ARCN1: variants seen among roughly 807,000 people sequenced by gnomAD.
ARCN1 encodes the protein archain 1 coat protein complex I subunit delta, also known as coatomer subunit delta.
Under a neutral mutation model 60.4 loss-of-function variants are expected in ARCN1, and 5 were observed. The ratio of observed to expected loss-of-function variants is 0.08; its 90% CI spans 0.04 to 0.17. ARCN1 has a LOEUF of 0.17. ARCN1 is among the 10% of genes least tolerant of loss of function. The pLI is 1.00. For missense variants in ARCN1, 464 were observed against 626.5 expected (o/e 0.74, Z 2.77); for synonymous variants, 224 against 220.0 (o/e 1.02, Z -0.16).
At chr11:118,581,943 C>G (rs1938663220) in intron 2 of ARCN1, among the ~76,000 whole-genome samples, 1 of 150,752 alleles carries the variant, frequency 6.6e-6, no homozygotes, top group African/African-American at 2.4e-5. Flanking sequence ...GACAGACACA[C>G]ACACACACAC....
At chr11:118,585,163 A>G (rs1234621342) in intron 5 of ARCN1, among the ~76,000 whole-genome samples, 1 of 151,258 alleles carries the variant, frequency 6.6e-6, no homozygotes, top group Non-Finnish European at 1.5e-5. Flanking sequence ...GGGTCTTACT[A>G]TGTTGTCTAG....
In ARCN1 at chr11:118,572,466, C is replaced by T. The variant is rs1016034284; in HGVS notation, c.-82C>T. On this transcript the variant is annotated 5_prime_UTR_variant, in exon 1 of 10. Transcript: ENST00000264028. Reference sequence around the variant, plus strand: ...TGTCAAGGGGGCAGCAGGTCCAGAGCTGCTGGTGCTCCCGTTCCCCAGACC... The same window carrying T: ...TGTCAAGGGGGCAGCAGGTCCAGAGTTGCTGGTGCTCCCGTTCCCCAGACC... The T allele has an allele frequency of 2.0e-5, 30 of 1,507,946 alleles. No homozygotes were observed. Among genetic ancestry groups the T allele is most frequent in the Non-Finnish European group, 2.5e-5 (28 of 1,100,254 alleles). The allele number at this position is 1,507,946 out of a possible 1,614,324, so 93.4% of individuals were successfully genotyped here. A position where few individuals can be genotyped will look rare whatever the true frequency, so the allele number is the denominator to read the frequency against.
intron 1 of ARCN1, among the ~76,000 whole-genome samples, chr11:118,576,771 G>C (rs1938524454): frequency 6.6e-6 from 1 of 152,162 alleles, no homozygotes; most frequent in Admixed American, 6.5e-5. Flanking sequence ...GCTATACTTA[G>C]TATGGGGAAC....
At chr11:118,589,142 G>T (rs781784845) in intron 5 of ARCN1, among the ~76,000 whole-genome samples, 5 of 152,160 alleles carry the variant, frequency 3.3e-5, no homozygotes, top group Non-Finnish European at 7.3e-5. Flanking sequence ...GAAGTATTTA[G>T]GGGTAAAGTG....
At chr11:118,594,689 A>G (rs1424274921) in intron 8 of ARCN1, among the ~76,000 whole-genome samples, 1 of 152,162 alleles carries the variant, frequency 6.6e-6, no homozygotes, top group African/African-American at 2.4e-5. Flanking sequence ...AACTGGGGTT[A>G]CAGGCATGTG....
intron 9 of ARCN1, 80 bp downstream of exon 9, chr11:118,597,991 A>G (rs1463323282): frequency 7.1e-7 from 1 of 1,418,076 alleles, no homozygotes; most frequent in Non-Finnish European, 9.7e-7. Context: ...GACAGGTAGC[A>G]TGGCTTTTTG....
chr11:118,581,537 C>G, intron 2 of ARCN1, 28 bp downstream of exon 2: 1 of 1,569,284 alleles, frequency 6.4e-7, no homozygotes, highest in Non-Finnish European at 8.6e-7. Flanking sequence ...ATACTGGGTT[C>G]CACTTTTTGT....
intron 5 of ARCN1, among the ~76,000 whole-genome samples, chr11:118,586,402 T>G (rs1938780329): frequency 6.6e-6 from 1 of 152,190 alleles, no homozygotes; most frequent in Non-Finnish European, 1.5e-5. Context: ...CAGCCAAGTA[T>G]TTACTCTTTA....
chr11:118,580,991 C>A (rs1291119749), intron 1 of ARCN1, among the ~76,000 whole-genome samples: 1 of 152,014 alleles, frequency 6.6e-6, no homozygotes, highest in East Asian at 1.9e-4. Flanking sequence ...TAAAAATTAG[C>A]GAGGCTTGGT....
intron 5 of ARCN1, among the ~76,000 whole-genome samples, chr11:118,585,068 C>T (rs1288815340): frequency 2.0e-5 from 3 of 152,020 alleles, no homozygotes; most frequent in Non-Finnish European, 4.4e-5. Context: ...CCTTGTGATC[C>T]GCCTGACTCA....
chr11:118,594,675 G>A (rs782528004), intron 8 of ARCN1, among the ~76,000 whole-genome samples: 6 of 151,544 alleles, frequency 4.0e-5, no homozygotes, highest in Non-Finnish European at 5.9e-5. Context: ...TCAGCCTCCC[G>A]AGTAACTGGG....
Position 118,601,382 on chromosome 11 carries a change from A to T in ARCN1, c.*668A>T. 1 of 543,950 alleles carries T rather than the reference A, an allele frequency of 1.8e-6. No homozygotes were observed. The highest frequency in any genetic ancestry group is 1.7e-5 in the South Asian group (1 of 60,370). The allele number at this position is 543,950 out of a possible 1,614,324, so 33.7% of individuals were successfully genotyped here. ...CAGCTGCTCCTTTATTTTAATCCCT[A>T]AATATAATCCCTAAATATAGTTATA... is the stretch of plus-strand genomic sequence containing the variant. On this transcript the variant is annotated 3_prime_UTR_variant, in exon 10 of 10. Coordinates refer to ENST00000264028, the MANE Select transcript of ARCN1 (RefSeq NM_001655.5).
intron 6 of ARCN1, among the ~76,000 whole-genome samples, chr11:118,592,165 GC>G (rs1264193214): frequency 2.0e-5 from 3 of 152,076 alleles, no homozygotes; most frequent in African/African-American, 7.2e-5. Flanking sequence ...GACCTTCAAT[GC>G]CCCTCTCACC....
At chr11:118,600,351 T>C (rs946052124) in intron 9 of ARCN1, among the ~76,000 whole-genome samples, 2 of 152,218 alleles carry the variant, frequency 1.3e-5, no homozygotes, top group Non-Finnish European at 2.9e-5. Flanking sequence ...AGGGCTGGGC[T>C]GTGGCCACTC....
chr11:118,585,568 T>C (rs1348032345), intron 5 of ARCN1, among the ~76,000 whole-genome samples: 10 of 152,020 alleles, frequency 6.6e-5, no homozygotes, highest in African/African-American at 2.4e-4. Flanking sequence ...GAGATGGGGT[T>C]TCACTCTGTC....
intron 5 of ARCN1, among the ~76,000 whole-genome samples, chr11:118,585,790 C>T (rs782712721): frequency 2.6e-5 from 4 of 152,180 alleles, no homozygotes; most frequent in Non-Finnish European, 5.9e-5. Flanking sequence ...CTGCCTGCCT[C>T]GGCCTCACAA....
At chr11:118,595,933 G>A (rs1939015939) in intron 8 of ARCN1, among the ~76,000 whole-genome samples, 1 of 152,194 alleles carries the variant, frequency 6.6e-6, no homozygotes, top group South Asian at 2.1e-4. Context: ...TGGGCCTGGT[G>A]GCGGGCGCCT....
At chr11:118,592,498 T>A (rs1284009713) in intron 6 of ARCN1, among the ~76,000 whole-genome samples, 1 of 151,728 alleles carries the variant, frequency 6.6e-6, no homozygotes, top group Non-Finnish European at 1.5e-5. Flanking sequence ...TGAAATTAGC[T>A]TTTTTTTTAA....
In ARCN1 at chr11:118,581,438, A is replaced by G. The variant is rs782236845; in HGVS notation, c.196A>G (p.Met66Val). The G allele has an allele frequency of 2.5e-6, 4 of 1,614,136 alleles. No homozygotes were observed. Among genetic ancestry groups the G allele is most frequent in the Non-Finnish European group, 2.5e-6 (3 of 1,179,954 alleles). ...YVYQPMEKLY[M>V]VLITTKNSNI... is the part of the protein sequence containing the mutation. ...CTACCAGCCTATGGAGAAACTGTAT[A>G]TGGTACTGATCACTACCAAAAACAG... is the stretch of plus-strand genomic sequence containing the variant. Residue 66 changes from methionine (M) to valine (V), a missense_variant, in exon 2 of 10, where the codon ATG (methionine) becomes GTG (valine). Coordinates refer to ENST00000264028, the MANE Select transcript of ARCN1 (RefSeq NM_001655.5).
Sources: allele counts gnomAD v4.1 joint callset (sites outside exome capture counted in the v4.1 genomes callset), GRCh38; gene constraint gnomAD v4.1.1; transcripts MANE v1.5; gene names NCBI Gene and HGNC (gene_info 2026-07-23, HGNC 2026-07-21).